The following NR3C2 variants were observed in gnomAD, a reference collection of about 807,000 sequenced individuals.
NR3C2 encodes nuclear receptor subfamily 3 group C member 2.
A neutral mutation model predicts 86.4 loss-of-function variants in NR3C2; 15 were observed. The ratio of observed to expected loss-of-function variants is 0.17; its 90% CI spans 0.12 to 0.27. The LOEUF is 0.27. Ranked by LOEUF, NR3C2 falls within the 10% of genes least tolerant of loss-of-function variation. The pLI, the probability that NR3C2 is intolerant of heterozygous loss-of-function variation, is 1.00. For synonymous variants in NR3C2, 458 were observed against 450.5 expected, an observed-to-expected ratio of 1.02 and a Z score of -0.21; for missense variants, 960 against 1,195.6, an observed-to-expected ratio of 0.80 and a Z score of 2.91.
chr4:148,269,755 T>C (rs1740579819), intron 2 of NR3C2, among the ~76,000 whole-genome samples: 1 of 152,252 alleles, frequency 6.6e-6, no homozygotes, highest in Non-Finnish European at 1.5e-5. Flanking sequence ...TTATAAGTTA[T>C]TCGGAATCCT....
chr4:148,312,841 T>C (rs1290184222), intron 2 of NR3C2, among the ~76,000 whole-genome samples: 2 of 151,238 alleles, frequency 1.3e-5, no homozygotes, highest in African/African-American at 4.9e-5. Flanking sequence ...ATAAAAAGGC[T>C]TTTTTTTATG....
intron 4 of NR3C2, among the ~76,000 whole-genome samples, chr4:148,172,948 A>T (rs1735201796): frequency 6.6e-6 from 1 of 152,198 alleles, no homozygotes; most frequent in Non-Finnish European, 1.5e-5. Context: ...TCTAAAAGGG[A>T]ATGAAAGCTT....
At chr4:148,113,790 G>A (rs78623693) in intron 8 of NR3C2, among the ~76,000 whole-genome samples, 1,772 of 152,266 alleles carry the variant, frequency 0.012, 37 homozygotes, top group African/African-American at 0.04. Flanking sequence ...CCAGGGGATC[G>A]AGGCCCTTTG....
chr4:148,180,700 C>T (rs1475737506), intron 4 of NR3C2, among the ~76,000 whole-genome samples: 1 of 152,090 alleles, frequency 6.6e-6, no homozygotes, highest in African/African-American at 2.4e-5. Flanking sequence ...GAGTAAGTGA[C>T]CTAAATAATT....
chr4:148,098,771 T>C (rs758215503), intron 8 of NR3C2, among the ~76,000 whole-genome samples: 2 of 152,242 alleles, frequency 1.3e-5, no homozygotes, highest in Non-Finnish European at 2.9e-5. Flanking sequence ...CTTTATGACC[T>C]TGATAAACTT....
intron 2 of NR3C2, among the ~76,000 whole-genome samples, chr4:148,316,957 A>G (rs1350489682): frequency 1.3e-5 from 2 of 151,842 alleles, no homozygotes. Context: ...GCACACCACC[A>G]TTTCCAGCTA....
At chr4:148,337,711 T>C (rs13116524) in intron 2 of NR3C2, among the ~76,000 whole-genome samples, 43,810 of 152,124 alleles carry the variant, frequency 0.29, 7,595 homozygotes, top group East Asian at 0.58. Flanking sequence ...AAAATGTTTC[T>C]ATGGATGAGT....
At chr4:148,246,954 A>G (rs28369259) in intron 3 of NR3C2, among the ~76,000 whole-genome samples, 2,231 of 152,354 alleles carry the variant, frequency 0.015, 45 homozygotes, top group African/African-American at 0.05. Flanking sequence ...AGTCTCCTAT[A>G]AAAACAGTGA....
chr4:148,348,412 G>C (rs1003213415), intron 2 of NR3C2, among the ~76,000 whole-genome samples: 1 of 152,142 alleles, frequency 6.6e-6, no homozygotes, highest in East Asian at 1.9e-4. Context: ...CCAGCACTTA[G>C]AAACTATCTA....
At chr4:148,279,209 T>C (rs1390484603) in intron 2 of NR3C2, among the ~76,000 whole-genome samples, 1 of 152,136 alleles carries the variant, frequency 6.6e-6, no homozygotes, top group Non-Finnish European at 1.5e-5. Flanking sequence ...GTCTTGAATT[T>C]TGAACACAAG....
intron 2 of NR3C2, among the ~76,000 whole-genome samples, chr4:148,422,109 G>A (rs1749310737): frequency 6.6e-6 from 1 of 151,916 alleles, no homozygotes; most frequent in Admixed American, 6.6e-5. Flanking sequence ...AATTTTTTCA[G>A]TTCCCTAAAA....
intron 8 of NR3C2, among the ~76,000 whole-genome samples, chr4:148,089,038 AAT>A (rs1034211329): frequency 1.3e-4 from 20 of 152,210 alleles, no homozygotes; most frequent in African/African-American, 4.6e-4. Flanking sequence ...TCTATAGTTT[AAT>A]AGTCTGGTGA....
intron 8 of NR3C2, among the ~76,000 whole-genome samples, chr4:148,098,185 C>T (rs752133446): frequency 1.3e-5 from 2 of 152,172 alleles, no homozygotes; most frequent in South Asian, 2.1e-4. Flanking sequence ...TAACCTATTA[C>T]GGTTACATTG....
intron 5 of NR3C2, among the ~76,000 whole-genome samples, chr4:148,153,017 G>C (rs1263497095): frequency 6.6e-6 from 1 of 152,128 alleles, no homozygotes; most frequent in East Asian, 1.9e-4. Context: ...CTGCAATAAT[G>C]GTGGGAGATT....
chr4:148,441,021 G>C (rs1750312140), intron 1 of NR3C2, among the ~76,000 whole-genome samples: 1 of 151,982 alleles, frequency 6.6e-6, no homozygotes, highest in African/African-American at 2.4e-5. Flanking sequence ...ACTATTTTTT[G>C]TCATTCCCCA....
chr4:148,143,958 A>G (rs1190504901), intron 6 of NR3C2, among the ~76,000 whole-genome samples: 2 of 151,122 alleles, frequency 1.3e-5, no homozygotes, highest in East Asian at 4.0e-4. Flanking sequence ...AAAAAAAAAA[A>G]AAAAAAAAAA....
chr4:148,384,573 T>C (rs548168233), intron 2 of NR3C2, among the ~76,000 whole-genome samples: 3 of 152,188 alleles, frequency 2.0e-5, no homozygotes, highest in Non-Finnish European at 4.4e-5. Flanking sequence ...TCAGTACACA[T>C]TCCAAACAAA....
intron 7 of NR3C2, among the ~76,000 whole-genome samples, chr4:148,116,388 A>G (rs112100673): frequency 1.2e-4 from 19 of 152,362 alleles, no homozygotes; most frequent in African/African-American, 4.3e-4. Context: ...CAAAACCTCA[A>G]ATTTTGGAGT....
chr4:148,100,300 T>C (rs1004587032), intron 8 of NR3C2, among the ~76,000 whole-genome samples: 3 of 151,972 alleles, frequency 2.0e-5, no homozygotes, highest in African/African-American at 7.3e-5. Flanking sequence ...AAACAGAGAA[T>C]GGGAGAAAAT....
Sources: gnomAD v4.1 joint callset for allele counts (sites outside exome capture counted in the v4.1 genomes callset) on GRCh38, gnomAD v4.1.1 for gene constraint, MANE v1.5 for transcripts, NCBI Gene and HGNC (gene_info 2026-07-23, HGNC 2026-07-21) for gene names.